NCS1: variants seen among roughly 807,000 people sequenced by gnomAD.
The protein encoded by NCS1 is neuronal calcium sensor 1.
NCS1 carries 6 observed loss-of-function variants against 28.4 expected under a neutral mutation model. The ratio of observed to expected loss-of-function variants is 0.21; its 90% CI spans 0.12 to 0.42. The LOEUF (loss-of-function observed/expected upper bound fraction) is 0.42, where lower values mean the gene tolerates loss of function less well. Ranked by LOEUF, NCS1 falls within the 10% of genes least tolerant of loss-of-function variation. NCS1 has a pLI of 1.00. For synonymous variants in NCS1, 86 were observed against 99.3 expected (o/e 0.87, Z 0.79); for missense variants, 131 against 241.4 (o/e 0.54, Z 3.03).
Position 130,209,877 on chromosome 9 carries a change from C to T in NCS1, c.90-7955C>T, listed in dbSNP as rs7023210. ...ACCTCGGCTTCCCGTGGCTGGGGAT[C>T]GCAGGCCCCGTTCTTCACAGCCTGG... On this transcript the variant is annotated intron_variant, in intron 2 of 7. Coordinates refer to ENST00000372398, the MANE Select transcript of NCS1 (RefSeq NM_014286.4). This position sits in a 1 kb window ranked among gnomAD's most constrained non-coding sequence, Gnocchi z 4.4. Among the ~76,000 whole-genome samples, 77,271 of 151,894 alleles carry T rather than the reference C, an allele frequency of 0.51. 20,224 individuals carry two copies. Among genetic ancestry groups the T allele is most frequent in the East Asian group, 0.84 (4,352 of 5,164 alleles).
chr9:130,212,765 T>C (rs113026853), intron 2 of NCS1, among the ~76,000 whole-genome samples: 2,204 of 151,996 alleles, frequency 0.015, 50 homozygotes, highest in African/African-American at 0.051. Flanking sequence ...ACAAAATTCT[T>C]GGGCATGATC....
Position 130,189,887 on chromosome 9 carries a change from T to A in NCS1, c.65-11071T>A, listed in dbSNP as rs1251540883. On this transcript the variant is annotated intron_variant, in intron 1 of 7. Coordinates refer to ENST00000372398, the MANE Select transcript of NCS1 (RefSeq NM_014286.4). Reference sequence around the variant, plus strand: ...AAAAAAAAAAAAAAAAAAATATATATATATATATATATATATATATATTCC... The same window carrying A: ...AAAAAAAAAAAAAAAAAAATATATAAATATATATATATATATATATATTCC... 8.4e-3 allele frequency among the ~76,000 whole-genome samples: 895 copies of A among 107,170 alleles called. 18 individuals are homozygous for A. Among genetic ancestry groups the A allele is most frequent in the African/African-American group, 0.03 (682 of 22,960 alleles). The allele number at this position is 107,170 out of a possible 152,430, so 70.3% of individuals were successfully genotyped here. A position where few individuals can be genotyped will look rare whatever the true frequency, so the allele number is the denominator to read the frequency against.
intron 1 of NCS1, among the ~76,000 whole-genome samples, chr9:130,194,714 CCT>C (rs1309276492): frequency 9.9e-5 from 15 of 152,190 alleles, no homozygotes; most frequent in African/African-American, 3.4e-4. Context: ...AGAACTTTCC[CCT>C]GTCTGGCCCC....
chr9:130,219,451 G>A lies in NCS1; in HGVS notation c.229-274G>A, dbSNP rs1554909896. On this transcript the variant is annotated intron_variant, in intron 3 of 7. Coordinates refer to ENST00000372398, the MANE Select transcript of NCS1 (RefSeq NM_014286.4). The surrounding 1 kb of genome is among the most constrained non-coding windows in gnomAD (Gnocchi z 5.7). The stretch of plus-strand genomic sequence containing the variant: ...CTTCTGGCACCTTCTCCCATCAAGA[G>A]TGGAGTAAGCCTCTCCGTTCAGCCT... Among the ~76,000 whole-genome samples the A allele has an allele frequency of 6.6e-6, 1 of 152,178 alleles. No individual in the cohort carries two copies. The highest frequency in any genetic ancestry group is 1.5e-5 in the Non-Finnish European group (1 of 68,022).
chr9:130,190,626 T>G (rs1554906160), intron 1 of NCS1, among the ~76,000 whole-genome samples: 1 of 152,210 alleles, frequency 6.6e-6, no homozygotes, highest in East Asian at 1.9e-4. Flanking sequence ...CGGCACTTTG[T>G]TGGGGCGTCA....
At chr9:130,190,153 A>G (rs573539737) in intron 1 of NCS1, among the ~76,000 whole-genome samples, 35 of 151,982 alleles carry the variant, frequency 2.3e-4, no homozygotes, top group South Asian at 1.2e-3. Context: ...CTACTTTCCA[A>G]CTTACCCACC....
chr9:130,217,628 G>A (rs1312297604), intron 2 of NCS1, among the ~76,000 whole-genome samples: 2 of 152,186 alleles, frequency 1.3e-5, no homozygotes, highest in Non-Finnish European at 2.9e-5. Context: ...GCTAGGAGAG[G>A]TGAAGTCTGT....
At chr9:130,178,283 G>C (rs1832603345) in intron 1 of NCS1, among the ~76,000 whole-genome samples, 1 of 152,208 alleles carries the variant, frequency 6.6e-6, no homozygotes, top group South Asian at 2.1e-4. Context: ...GGGGCAGCTG[G>C]TGAATGGCAG....
chr9:130,179,693 T>G (rs1832627413), intron 1 of NCS1, among the ~76,000 whole-genome samples: 1 of 152,206 alleles, frequency 6.6e-6, no homozygotes. Context: ...ATTACTGTTT[T>G]CCTTACTTCT....
chr9:130,196,937 T>C (rs1832884665), intron 1 of NCS1, among the ~76,000 whole-genome samples: 1 of 152,180 alleles, frequency 6.6e-6, no homozygotes, highest in Admixed American at 6.6e-5. Context: ...GCCTCGTCTG[T>C]TTAGACTCTT....
At chr9:130,204,225 G>A (rs1311151550) in intron 2 of NCS1, among the ~76,000 whole-genome samples, 3 of 152,002 alleles carry the variant, frequency 2.0e-5, no homozygotes, top group African/African-American at 7.3e-5. Flanking sequence ...TTGAACTCCT[G>A]AGCTCAAGTG....
At chr9:130,212,709 C>A (rs1833129002) in intron 2 of NCS1, among the ~76,000 whole-genome samples, 1 of 151,388 alleles carries the variant, frequency 6.6e-6, no homozygotes, top group African/African-American at 2.4e-5. Context: ...CCTGTGGGAA[C>A]CTGCAGGAGT....
intron 2 of NCS1, among the ~76,000 whole-genome samples, chr9:130,205,833 TAAA>T (rs57877038): frequency 7.0e-6 from 1 of 141,874 alleles, no homozygotes; most frequent in African/African-American, 2.6e-5. Context: ...GACCCTGTCT[TAAA>T]AAAAAAAAAA....
In NCS1 at chr9:130,192,920, A is replaced by G. The variant is rs941196614; in HGVS notation, c.65-8038A>G. On this transcript the variant is annotated intron_variant, in intron 1 of 7. Transcript: ENST00000372398. This position sits in a 1 kb window ranked among gnomAD's most constrained non-coding sequence, Gnocchi z 4.8. ...GCGGTACTCCATGGTTGGCACAGCT[A>G]GTAATGTCCTCTCTCACAGATGGGG... is the stretch of plus-strand genomic sequence containing the variant. Among the ~76,000 whole-genome samples the G allele has an allele frequency of 1.2e-4, 18 of 152,204 alleles. No homozygotes were observed. Among genetic ancestry groups the G allele is most frequent in the Non-Finnish European group, 4.4e-5 (3 of 68,036 alleles).
At chr9:130,213,519 T>C (rs1833141972) in intron 2 of NCS1, among the ~76,000 whole-genome samples, 1 of 152,036 alleles carries the variant, frequency 6.6e-6, no homozygotes, top group African/African-American at 2.4e-5. Context: ...GACCTTGTGA[T>C]CCGCCCGTCT....
Position 130,236,867 on chromosome 9 carries a change from C to T in NCS1, c.*3895C>T, listed in dbSNP as rs1471037228. On this transcript the variant is annotated 3_prime_UTR_variant, in exon 8 of 8. Transcript: ENST00000372398. ...TCATTGGGTCTCAATTTCCCCATCCCTTGGATGGGAGCAAGAGTCTCTGCT... is the reference window on the plus strand; with the variant it reads ...TCATTGGGTCTCAATTTCCCCATCCTTTGGATGGGAGCAAGAGTCTCTGCT... 6 of 152,158 alleles carry T rather than the reference C, an allele frequency of 3.9e-5. No individual in the cohort carries two copies. Among genetic ancestry groups the T allele is most frequent in the African/African-American group, 1.4e-4 (6 of 41,416 alleles). The allele number at this position is 152,158 out of a possible 1,614,324, so 9.4% of individuals were successfully genotyped here. A position where few individuals can be genotyped will look rare whatever the true frequency, so the allele number is the denominator to read the frequency against.
At chr9:130,210,926 A>G (rs972688615) in intron 2 of NCS1, among the ~76,000 whole-genome samples, 4 of 150,244 alleles carry the variant, frequency 2.7e-5, no homozygotes, top group African/African-American at 9.8e-5. Flanking sequence ...GCAACCTCAA[A>G]CTTTTGGGCT....
In NCS1 at chr9:130,219,479, G is replaced by GTCCTTCTTCCTGTGCCTCCC. The variant is rs1239419588; in HGVS notation, c.229-241_229-222dup. ...GAGTAAGCCTCTCCGTTCAGCCTCA[G>GTCCTTCTTCCTGTGCCTCCC]TCCTTCTTCCTGTGCCTCCCTCCTG... On this transcript the variant is annotated intron_variant, in intron 3 of 7. Coordinates refer to ENST00000372398, the MANE Select transcript of NCS1 (RefSeq NM_014286.4). The surrounding 1 kb of genome is among the most constrained non-coding windows in gnomAD (Gnocchi z 5.7). Among the ~76,000 whole-genome samples the GTCCTTCTTCCTGTGCCTCCC allele has an allele frequency of 6.6e-6, 1 of 152,066 alleles. No individual in the cohort carries two copies. Among genetic ancestry groups the GTCCTTCTTCCTGTGCCTCCC allele is most frequent in the Non-Finnish European group, 1.5e-5 (1 of 68,004 alleles).
At chr9:130,185,809 C>T (rs895272432) in intron 1 of NCS1, among the ~76,000 whole-genome samples, 3 of 152,286 alleles carry the variant, frequency 2.0e-5, no homozygotes, top group South Asian at 4.1e-4. Context: ...CCCACCACCC[C>T]CTGCGCGCCC....
Sources: allele counts gnomAD v4.1 joint callset (sites outside exome capture counted in the v4.1 genomes callset), GRCh38; gene constraint gnomAD v4.1.1; non-coding constraint Gnocchi (gnomAD v3.1); transcripts MANE v1.5; gene names NCBI Gene and HGNC (gene_info 2026-07-23, HGNC 2026-07-21).